PDE11A: variants seen among roughly 807,000 people sequenced by gnomAD.
The protein encoded by PDE11A is dual 3',5'-cyclic-AMP and -GMP phosphodiesterase 11A.
PDE11A carries 100 observed loss-of-function variants against 100.5 expected under a neutral mutation model. The observed-to-expected ratio is 1.00, with a 90% CI of 0.85 to 1.18. The LOEUF (loss-of-function observed/expected upper bound fraction) is 1.18, where lower values mean the gene tolerates loss of function less well. PDE11A is among the 50% of genes most tolerant of loss of function. The pLI, the probability that PDE11A is intolerant of heterozygous loss-of-function variation, is 0.00. For missense variants in PDE11A, 1,141 were observed against 1,152.6 expected (o/e 0.99, Z 0.15); for synonymous variants, 381 against 420.8 (o/e 0.91, Z 1.16).
chr2:177,990,697 C>A lies in PDE11A; in HGVS notation c.1071+23605G>T, dbSNP rs373240211. ...AGGTTGCAGTGAGCTGAGATCGCAC[C>A]ATTGCACTCCAGCCTGGGTGACAGA... On this transcript the variant is annotated intron_variant, in intron 2 of 19. Coordinates refer to ENST00000286063, the MANE Select transcript of PDE11A (RefSeq NM_016953.4). Among the ~76,000 whole-genome samples the A allele has an allele frequency of 2.0e-5, 3 of 150,340 alleles. No individual in the cohort carries two copies. In the East Asian group the frequency reaches 5.9e-4, roughly 29 times the overall value.
chr2:177,731,729 ACTTAATTAGTCAATTCCTGAG>A (rs1417808127), intron 10 of PDE11A, among the ~76,000 whole-genome samples: 3 of 152,176 alleles, frequency 2.0e-5, no homozygotes, highest in Admixed American at 6.5e-5. Flanking sequence ...TTCCAAAGGT[ACTTAATTAGTCAATTCCTGAG>A]CTATCTGTGG....
At chr2:177,758,732 C>T (rs778024965) in intron 10 of PDE11A, among the ~76,000 whole-genome samples, 3 of 152,176 alleles carry the variant, frequency 2.0e-5, no homozygotes, top group African/African-American at 7.2e-5. Context: ...CAGACCTCCA[C>T]GGTGCCTCCT....
chr2:177,894,410 T>C lies in PDE11A; in HGVS notation c.1302+3648A>G, dbSNP rs16865907. Among the ~76,000 whole-genome samples the C allele has an allele frequency of 7.2e-3, 1,101 of 152,314 alleles. 13 individuals are homozygous for C. Among genetic ancestry groups the C allele is most frequent in the African/African-American group, 0.025 (1,025 of 41,570 alleles). Reference sequence around the variant, plus strand: ...TTTCACCTGGTTCACTTTTAACCTTTAGAGTTCATCCGTATGGTGTTACAG... The same window carrying C: ...TTTCACCTGGTTCACTTTTAACCTTCAGAGTTCATCCGTATGGTGTTACAG... On this transcript the variant is annotated intron_variant, in intron 4 of 19. Transcript: ENST00000286063.
intron 2 of PDE11A, among the ~76,000 whole-genome samples, chr2:178,004,766 A>AC (rs34338097): frequency 0.056 from 8,437 of 151,824 alleles, 296 homozygotes; most frequent in South Asian, 0.092. Flanking sequence ...AGCTCTCCTT[A>AC]CCCCCCAAAC....
intron 1 of PDE11A, among the ~76,000 whole-genome samples, chr2:178,016,131 A>ATTTTTTTTTTTTTTT (rs55638601): frequency 4.5e-4 from 38 of 83,742 alleles, no homozygotes; most frequent in East Asian, 7.7e-4. Context: ...TGCCTGGCTA[A>ATTTTTTTTTTTTTTT]TTTTTTTTTT....
chr2:177,631,546 TACAC>T (rs1231635769), intron 19 of PDE11A, among the ~76,000 whole-genome samples: 781 of 16,586 alleles, frequency 0.047, 195 homozygotes, highest in Admixed American at 0.077. Flanking sequence ...TATATATATA[TACAC>T]ATGTATATAT....
chr2:178,107,571 TGGA>T (rs2087635454), intron 1 of PDE11A, among the ~76,000 whole-genome samples: 1 of 151,794 alleles, frequency 6.6e-6, no homozygotes, highest in South Asian at 2.1e-4. Context: ...CCCTGTAAGA[TGGA>T]TACCATTAAC....
intron 2 of PDE11A, among the ~76,000 whole-genome samples, chr2:178,094,311 T>G (rs1322146855): frequency 6.6e-6 from 1 of 152,036 alleles, no homozygotes; most frequent in Non-Finnish European, 1.5e-5. Flanking sequence ...GGTGGATCGC[T>G]TGAGCTCAGG....
chr2:177,876,614 TG>T lies in PDE11A; in HGVS notation c.1303-692del, dbSNP rs1257359233. On this transcript the variant is annotated intron_variant, in intron 4 of 19. Coordinates refer to ENST00000286063, the MANE Select transcript of PDE11A (RefSeq NM_016953.4). Reference sequence around the variant, plus strand: ...CCAGGCCCTACAGCAGAAGCTTTTTTGATTATTTCTTTATTATAAATCTAAA... The same window carrying T: ...CCAGGCCCTACAGCAGAAGCTTTTTTATTATTTCTTTATTATAAATCTAAA... Among the ~76,000 whole-genome samples, 2 of 148,484 alleles carry T rather than the reference TG, an allele frequency of 1.3e-5. 1 individual carries two copies. The highest frequency in any genetic ancestry group is 5.1e-5 in the African/African-American group (2 of 38,968).
intron 4 of PDE11A, among the ~76,000 whole-genome samples, chr2:177,881,332 C>CTGTCT: frequency 7.2e-6 from 1 of 139,836 alleles, no homozygotes; most frequent in African/African-American, 2.6e-5. Context: ...ATCTATCTAT[C>CTGTCT]ATCTATCTGT....
intron 2 of PDE11A, among the ~76,000 whole-genome samples, chr2:177,952,532 A>ACCTAGATGCT (rs944131409): frequency 2.0e-5 from 3 of 152,132 alleles, no homozygotes; most frequent in African/African-American, 7.2e-5. Flanking sequence ...AGTTTCTGAT[A>ACCTAGATGCT]CCTAGATGCT....
intron 2 of PDE11A, among the ~76,000 whole-genome samples, chr2:177,942,546 G>T (rs2085357471): frequency 6.6e-6 from 1 of 152,022 alleles, no homozygotes; most frequent in African/African-American, 2.4e-5. Flanking sequence ...GGGATTACAG[G>T]CATGTGCCAC....
chr2:177,918,269 A>G (rs1234463037), intron 2 of PDE11A, among the ~76,000 whole-genome samples: 1 of 152,232 alleles, frequency 6.6e-6, no homozygotes, highest in Non-Finnish European at 1.5e-5. Flanking sequence ...GCTAGCTTCA[A>G]AGCCAAAATA....
At chr2:178,088,794 ATACT>A (rs549639983) in intron 2 of PDE11A, among the ~76,000 whole-genome samples, 317 of 152,356 alleles carry the variant, frequency 2.1e-3, no homozygotes, top group African/African-American at 7.4e-3. Flanking sequence ...CAAAACAAAA[ATACT>A]TACTTTTTCA....
At chr2:177,674,555 C>T (rs1055314661) in intron 17 of PDE11A, among the ~76,000 whole-genome samples, 1 of 152,160 alleles carries the variant, frequency 6.6e-6, no homozygotes, top group African/African-American at 2.4e-5. Flanking sequence ...GGATTTAGGG[C>T]ACACCTGGAT....
intron 1 of PDE11A, among the ~76,000 whole-genome samples, chr2:178,026,739 A>C (rs1027679339): frequency 6.6e-6 from 1 of 152,150 alleles, no homozygotes; most frequent in Non-Finnish European, 1.5e-5. Context: ...AATGTTTTAA[A>C]AACACATTTT....
At chr2:177,892,378 A>T (rs1465932587) in intron 4 of PDE11A, among the ~76,000 whole-genome samples, 2 of 152,198 alleles carry the variant, frequency 1.3e-5, no homozygotes, top group Non-Finnish European at 2.9e-5. Flanking sequence ...TCTAATTGTT[A>T]TATATGTGGA....
intron 2 of PDE11A, among the ~76,000 whole-genome samples, chr2:177,971,220 C>T (rs974801222): frequency 7.9e-5 from 12 of 152,176 alleles, no homozygotes; most frequent in Non-Finnish European, 1.5e-4. Context: ...AACCTTGAGC[C>T]GGCTATTTCA....
intron 10 of PDE11A, among the ~76,000 whole-genome samples, chr2:177,750,198 G>A (rs1221813719): frequency 6.6e-6 from 1 of 152,136 alleles, no homozygotes; most frequent in African/African-American, 2.4e-5. Context: ...TGCTCTCTGA[G>A]TGTCTCTGGG....
Sources: gnomAD v4.1 joint callset for allele counts (sites outside exome capture counted in the v4.1 genomes callset) on GRCh38, gnomAD v4.1.1 for gene constraint, MANE v1.5 for transcripts, NCBI Gene and HGNC (gene_info 2026-07-23, HGNC 2026-07-21) for gene names.